RPF2: variants seen among roughly 807,000 people sequenced by gnomAD.
The protein encoded by RPF2 is ribosome production factor 2 homolog.
In RPF2, 21 loss-of-function variants were observed where a neutral mutation model predicts 38.9. That is an observed-to-expected ratio of 0.54 (90% confidence interval 0.38 to 0.78). The LOEUF is 0.78. Among genes scored for constraint, RPF2 ranks in the 30% least tolerant of loss-of-function variants. The probability of loss-of-function intolerance (pLI) is 0.00; values close to 1 mark genes in which losing one functional copy is unlikely to be tolerated. For missense variants in RPF2, 314 were observed against 358.1 expected, an observed-to-expected ratio of 0.88 and a Z score of 0.99; for synonymous variants, 121 against 126.2, an observed-to-expected ratio of 0.96 and a Z score of 0.28.
At chr6:111,013,198 A>G (rs1338559942) in intron 7 of RPF2, among the ~76,000 whole-genome samples, 1 of 152,186 alleles carries the variant, frequency 6.6e-6, no homozygotes, top group Admixed American at 6.5e-5. Flanking sequence ...TCTACCTAGA[A>G]TGCAGGGCCC....
chr6:110,989,113 A>G, intron 3 of RPF2, 48 bp downstream of exon 3: 1 of 1,465,660 alleles, frequency 6.8e-7, no homozygotes. Flanking sequence ...TTGTTTCATT[A>G]TAAAAGTAAC....
intron 6 of RPF2, among the ~76,000 whole-genome samples, chr6:111,000,965 A>C (rs1039337522): frequency 1.3e-5 from 2 of 152,100 alleles, no homozygotes; most frequent in East Asian, 3.9e-4. Context: ...ATGTATAATT[A>C]CTCTTTTCCT....
chr6:111,006,303 C>T (rs532213119), intron 6 of RPF2, among the ~76,000 whole-genome samples: 4 of 152,042 alleles, frequency 2.6e-5, no homozygotes, highest in African/African-American at 7.2e-5. Context: ...GGTGCAATCT[C>T]GGCTCACTAC....
intron 8 of RPF2, among the ~76,000 whole-genome samples, chr6:111,019,295 C>T (rs1388187388): frequency 6.6e-6 from 1 of 152,184 alleles, no homozygotes; most frequent in Admixed American, 6.5e-5. Context: ...ATGAGAATTG[C>T]TTGAGCCTGG....
intron 4 of RPF2, among the ~76,000 whole-genome samples, chr6:110,994,734 TACACACACACACAC>T (rs71021820): frequency 5.2e-5 from 7 of 134,136 alleles, no homozygotes; most frequent in Admixed American, 3.7e-4. Context: ...TGAGTATATA[TACACACACACACAC>T]ACACACACAC....
At chr6:111,004,669 C>G (rs1771878702) in intron 6 of RPF2, among the ~76,000 whole-genome samples, 1 of 151,896 alleles carries the variant, frequency 6.6e-6, no homozygotes, top group African/African-American at 2.4e-5. Flanking sequence ...AACCTCCACC[C>G]CAAAGTTCAA....
chr6:110,987,100 C>T (rs1470646661), intron 2 of RPF2, among the ~76,000 whole-genome samples: 2 of 151,960 alleles, frequency 1.3e-5, no homozygotes, highest in Non-Finnish European at 2.9e-5. Context: ...TGGAGTCTCA[C>T]GCTGTTGCCC....
intron 1 of RPF2, among the ~76,000 whole-genome samples, chr6:110,984,652 C>A (rs6926809): frequency 1.3e-5 from 2 of 151,824 alleles, no homozygotes; most frequent in Non-Finnish European, 2.9e-5. Flanking sequence ...ATAGCCTGAC[C>A]AACATGGCGA....
intron 5 of RPF2, among the ~76,000 whole-genome samples, chr6:110,998,990 G>A (rs1321436163): frequency 6.6e-6 from 1 of 151,696 alleles, no homozygotes; most frequent in East Asian, 1.9e-4. Flanking sequence ...AGTAAAGAAT[G>A]GGGCATATAA....
intron 4 of RPF2, among the ~76,000 whole-genome samples, chr6:110,994,586 A>G (rs1771675240): frequency 6.6e-6 from 1 of 151,996 alleles, no homozygotes. Context: ...ACCTTGTCTC[A>G]CAAAAAAAAG....
intron 6 of RPF2, among the ~76,000 whole-genome samples, chr6:111,000,839 A>G (rs866272324): frequency 1.3e-5 from 2 of 152,164 alleles, no homozygotes; most frequent in Non-Finnish European, 1.5e-5. Flanking sequence ...TATAACCAAG[A>G]TTAGGACTCT....
At chr6:111,012,524 T>A (rs1772037921) in intron 7 of RPF2, among the ~76,000 whole-genome samples, 1 of 151,948 alleles carries the variant, frequency 6.6e-6, no homozygotes, top group African/African-American at 2.4e-5. Flanking sequence ...AAATTTGGAG[T>A]AGAGGAATTT....
chr6:110,985,034 T>G lies in RPF2; in HGVS notation c.52T>G (p.Phe18Val), dbSNP rs1771501226. Residue 18 changes from phenylalanine (F) to valine (V), a missense_variant, in exon 2 of 10, where the codon TTC becomes GTC. Phe to Val is a conservative substitution (Grantham distance 50). Transcript: ENST00000441448. The stretch of plus-strand genomic sequence containing the variant: ...GCCCAAAACGAAAAGAGCCAAGAGA[T>G]TCCTTGAGAAGAGAGAACCGAAACT... ...VKPKTKRAKR[F>V]LEKREPKLNE... The G allele has an allele frequency of 6.2e-7, 1 of 1,612,220 alleles. No homozygotes were observed. Among genetic ancestry groups the G allele is most frequent in the Non-Finnish European group, 8.5e-7 (1 of 1,179,774 alleles).
intron 4 of RPF2, 67 bp downstream of exon 4, chr6:110,991,853 G>T (rs918103834): frequency 3.5e-6 from 2 of 575,850 alleles, no homozygotes; most frequent in Non-Finnish European, 5.8e-6. Flanking sequence ...TAATTCATTT[G>T]TACTCCAAAT....
chr6:111,018,981 C>T (rs1422794106), intron 8 of RPF2, among the ~76,000 whole-genome samples: 4 of 151,938 alleles, frequency 2.6e-5, no homozygotes, highest in African/African-American at 9.7e-5. Context: ...TTTGGGAGGC[C>T]GAGGTGGGTG....
chr6:111,009,748 A>G (rs1245152828), intron 7 of RPF2, among the ~76,000 whole-genome samples: 13 of 151,928 alleles, frequency 8.6e-5, no homozygotes. Flanking sequence ...ATCATGGCTC[A>G]TTGCAGCCTC....
chr6:111,017,361 C>A (rs879708361), intron 8 of RPF2, among the ~76,000 whole-genome samples: 1 of 140,408 alleles, frequency 7.1e-6, no homozygotes, highest in East Asian at 2.2e-4. Flanking sequence ...GGCTGCCCCC[C>A]GCCTCCCTCC....
chr6:110,987,653 A>G (rs1304342869), intron 2 of RPF2, among the ~76,000 whole-genome samples: 1 of 152,208 alleles, frequency 6.6e-6, no homozygotes, highest in Non-Finnish European at 1.5e-5. Flanking sequence ...ACAGGGAAAT[A>G]GTTGGCCAAG....
chr6:111,024,884 G>A (rs1431520922), intron 9 of RPF2, among the ~76,000 whole-genome samples: 2 of 152,192 alleles, frequency 1.3e-5, no homozygotes, highest in Non-Finnish European at 2.9e-5. Context: ...AGTCAAGACT[G>A]TTGTTTTCAG....
Sources: gnomAD v4.1 joint callset for allele counts (sites outside exome capture counted in the v4.1 genomes callset) on GRCh38, gnomAD v4.1.1 for gene constraint, MANE v1.5 for transcripts, NCBI Gene and HGNC (gene_info 2026-07-23, HGNC 2026-07-21) for gene names.